Variants in CAND1 observed in about 807,000 individuals in gnomAD.
CAND1 encodes cullin associated and neddylation dissociated 1.
In CAND1, 7 loss-of-function variants were observed where a neutral mutation model predicts 108.5. The ratio of observed to expected loss-of-function variants is 0.06; its 90% confidence interval spans 0.04 to 0.12. The LOEUF (loss-of-function observed/expected upper bound fraction) is 0.12, where lower values mean the gene tolerates loss of function less well. Ranked by LOEUF, CAND1 falls within the 10% of genes least tolerant of loss-of-function variation. The pLI, the probability that CAND1 is intolerant of heterozygous loss-of-function variation, is 1.00. For synonymous variants in CAND1, 534 were observed against 512.0 expected (o/e 1.04, Z -0.58); for missense variants, 941 against 1,448.7 (o/e 0.65, Z 5.69).
At position 67,306,173 on chromosome 12, in the gene CAND1, T is replaced by C; in HGVS notation, c.2505T>C (p.Arg835=). ...ACTCAAGGTCTACAGATTCCATTCG[T>C]CTCTTAGCTCTACTTTCTCTTGGAG... ...VKNSRSTDSI[R]LLALLSLGEV... The change falls in exon 10 of 15, where the codon CGT becomes CGC. Residue 835 remains arginine (R), a synonymous_variant. Coordinates refer to ENST00000545606, the MANE Select transcript of CAND1 (RefSeq NM_018448.5). 5 of 1,614,138 alleles carry C rather than the reference T, an allele frequency of 3.1e-6. No homozygotes were observed. Among genetic ancestry groups the C allele is most frequent in the Non-Finnish European group, 4.2e-6 (5 of 1,179,998 alleles).
intron 10 of CAND1, 77 bp from the exon 11 acceptor site, chr12:67,307,320 T>C: frequency 1.0e-6 from 1 of 959,010 alleles, no homozygotes; most frequent in African/African-American, 1.6e-5. Flanking sequence ...CTGGTGTTAT[T>C]TGGAGTGGTT....
At position 67,269,628 on chromosome 12, in the gene CAND1, G is replaced by A; in HGVS notation, c.-90G>A. 5 of 1,147,924 alleles carry A rather than the reference G, an allele frequency of 4.4e-6. No individual in the cohort carries two copies. The highest frequency in any genetic ancestry group is 6.3e-6 in the Non-Finnish European group (5 of 789,308). 71.1% of individuals were successfully genotyped at this position (1,147,924 alleles called of 1,614,324 possible). A position where few individuals can be genotyped will look rare whatever the true frequency, so the allele number is the denominator to read the frequency against. Reference sequence around the variant, plus strand: ...TGGAAGCGGGAGCCGCCGCGAGCGAGAGGAGGAGCTCCAGTGGCGGCGGCG... The same window carrying A: ...TGGAAGCGGGAGCCGCCGCGAGCGAAAGGAGGAGCTCCAGTGGCGGCGGCG... On this transcript the variant is annotated 5_prime_UTR_variant, in exon 1 of 15. Transcript: ENST00000545606.
intron 3 of CAND1, among the ~76,000 whole-genome samples, chr12:67,293,719 T>C (rs1383560429): frequency 6.6e-6 from 1 of 152,044 alleles, no homozygotes; most frequent in Non-Finnish European, 1.5e-5. Flanking sequence ...TGCCATTGCA[T>C]TCCAGCCTAG....
At chr12:67,289,366 G>T (rs1280456300) in intron 2 of CAND1, among the ~76,000 whole-genome samples, 6 of 62,212 alleles carry the variant, frequency 9.6e-5, no homozygotes, top group Non-Finnish European at 1.9e-4. Context: ...TTACAGGCAT[G>T]TACCATGTCC....
In CAND1 at chr12:67,269,666, G is replaced by GCAGCGGGCAGCAGCTC. The variant is rs1237409975; in HGVS notation, c.-47_-32dup. 12 of 1,514,004 alleles carry GCAGCGGGCAGCAGCTC rather than the reference G, an allele frequency of 7.9e-6. No homozygotes were observed. Among genetic ancestry groups the GCAGCGGGCAGCAGCTC allele is most frequent in the Non-Finnish European group, 1.1e-5 (12 of 1,107,128 alleles). The allele number at this position is 1,514,004 out of a possible 1,614,324, so 93.8% of individuals were successfully genotyped here. ...AGTGGCGGCGGCGGCGGCGGCAGCGGCAGCGGGCAGCAGCTCCAGCAGCGC... is the reference window on the plus strand; with the variant it reads ...AGTGGCGGCGGCGGCGGCGGCAGCGGCAGCGGGCAGCAGCTCCAGCGGGCAGCAGCTCCAGCAGCGC... On this transcript the variant is annotated 5_prime_UTR_variant, in exon 1 of 15. Transcript: ENST00000545606.
rs1166901993 is a variant in CAND1 at position 67,315,551 on chromosome 12, T to A, written c.*2721T>A. 1 of 152,200 alleles carries A rather than the reference T, an allele frequency of 6.6e-6. No individual in the cohort carries two copies. Among genetic ancestry groups the A allele is most frequent in the African/African-American group, 2.4e-5 (1 of 41,448 alleles). The allele number at this position is 152,200 out of a possible 1,614,324, so 9.4% of individuals were successfully genotyped here. On this transcript the variant is annotated 3_prime_UTR_variant, in exon 15 of 15. Coordinates refer to ENST00000545606, the MANE Select transcript of CAND1 (RefSeq NM_018448.5). Reference sequence around the variant, plus strand: ...CAATAGCACTGAATGATAATTTTTTTAATGACAGTCATGTATTTTATTAAT... The same window carrying A: ...CAATAGCACTGAATGATAATTTTTTAAATGACAGTCATGTATTTTATTAAT...
chr12:67,309,406 C>T (rs1152877), intron 11 of CAND1, among the ~76,000 whole-genome samples: 74,380 of 151,730 alleles, frequency 0.49, 19,536 homozygotes, highest in Non-Finnish European at 0.59. Context: ...TTTGGAGGCA[C>T]GTTTCTCTTT....
chr12:67,305,084 A>AT lies in CAND1; in HGVS notation c.1436-14dup. ...TAAAAGTCTGCACAGCAATGATTGG[A>AT]TTTTTTGTTGGCTTTTTAGGAATCA... On this transcript the variant is annotated intron_variant, in intron 9 of 14. Coordinates refer to ENST00000545606, the MANE Select transcript of CAND1 (RefSeq NM_018448.5). This position sits in a 1 kb window ranked among gnomAD's most constrained non-coding sequence, Gnocchi z 4.4. The AT allele has an allele frequency of 1.3e-6, 2 of 1,596,356 alleles. No individual in the cohort carries two copies. The highest frequency in any genetic ancestry group is 1.3e-5 in the African/African-American group (1 of 74,264).
chr12:67,289,729 C>T lies in CAND1; in HGVS notation c.213-2893C>T, dbSNP rs375647724. Among the ~76,000 whole-genome samples, 11 of 152,236 alleles carry T rather than the reference C, an allele frequency of 7.2e-5. 1 individual carries two copies. The highest frequency in any genetic ancestry group is 2.6e-4 in the African/African-American group (11 of 41,530). On this transcript the variant is annotated intron_variant, in intron 2 of 14. Coordinates refer to ENST00000545606, the MANE Select transcript of CAND1 (RefSeq NM_018448.5). ...TTTTGAGTTCCTTTTAACTTCACTC[C>T]CAATTTTTATTATTTTATATTCGGT... is the stretch of plus-strand genomic sequence containing the variant.
chr12:67,300,445 T>A (rs1445413275), intron 7 of CAND1, among the ~76,000 whole-genome samples: 1 of 152,108 alleles, frequency 6.6e-6, no homozygotes, highest in Admixed American at 6.6e-5. Context: ...CTAAAATATC[T>A]TTTCCCTGCC....
intron 1 of CAND1, among the ~76,000 whole-genome samples, chr12:67,272,386 C>T (rs777153761): frequency 1.3e-5 from 2 of 152,098 alleles, no homozygotes; most frequent in Non-Finnish European, 2.9e-5. Flanking sequence ...TGACTAATTA[C>T]AAAAGGTTGT....
chr12:67,292,353 T>C (rs1284936396), intron 2 of CAND1, among the ~76,000 whole-genome samples: 1 of 152,102 alleles, frequency 6.6e-6, no homozygotes, highest in Non-Finnish European at 1.5e-5. Context: ...ACTAATTAGC[T>C]TTAGGGGTAT....
intron 1 of CAND1, among the ~76,000 whole-genome samples, chr12:67,277,835 A>G (rs1293655798): frequency 1.3e-5 from 2 of 152,318 alleles, no homozygotes; most frequent in South Asian, 2.1e-4. Flanking sequence ...ATTGATTGCC[A>G]TAACCTAAGT....
In CAND1 at chr12:67,306,435, G is replaced by T; in HGVS notation, c.2767G>T (p.Val923Leu). The T allele has an allele frequency of 6.2e-7, 1 of 1,614,032 alleles. No individual in the cohort carries two copies. Residue 923 changes from valine (V) to leucine (L), a missense_variant, in exon 10 of 15, where the codon GTG (valine) becomes TTG (leucine). This residue lies in a region of CAND1 where 106 missense variants were observed against 182.0 expected (regional missense o/e 0.58). Coordinates refer to ENST00000545606, the MANE Select transcript of CAND1 (RefSeq NM_018448.5). The stretch of plus-strand genomic sequence containing the variant: ...GGAAATTATTAGCTCTGCATCAGTG[G>T]TGGGCCTTAAACCATATGTTGAAAA... ...LKEIISSASV[V>L]GLKPYVENIW...
At chr12:67,307,799 A>G (rs1189079354) in intron 11 of CAND1, among the ~76,000 whole-genome samples, 1 of 152,072 alleles carries the variant, frequency 6.6e-6, no homozygotes, top group East Asian at 1.9e-4. Flanking sequence ...GCAAAAAGAT[A>G]CTAGATTTAT....
rs570819459 is a variant in CAND1, at chr12:67,300,123, TAC to T, written c.1000+1029_1000+1030del. Among the ~76,000 whole-genome samples, 281 of 152,316 alleles carry T rather than the reference TAC, an allele frequency of 1.8e-3. 1 individual carries two copies. Among genetic ancestry groups the T allele is most frequent in the African/African-American group, 6.1e-3 (254 of 41,582 alleles). On this transcript the variant is annotated intron_variant, in intron 7 of 14. Transcript: ENST00000545606. ...AAATGTTTGACTCTGCCTATCGTAT[TAC>T]TCAGTCTCGGCAACATTTCTTTATT... is the stretch of plus-strand genomic sequence containing the variant.
chr12:67,270,769 T>TAAAAAAAAAAAAAAAAAAAA (rs10573806), intron 1 of CAND1: 2 of 137,870 alleles, frequency 1.5e-5, no homozygotes, highest in African/African-American at 2.7e-5. Context: ...GTTCTCAATC[T>TAAAAAAAAAAAAAAAAAAAA]AAAAAAAAAA....
chr12:67,287,049 G>A (rs2044678468), intron 2 of CAND1, among the ~76,000 whole-genome samples: 1 of 152,174 alleles, frequency 6.6e-6, no homozygotes, highest in Non-Finnish European at 1.5e-5. Flanking sequence ...TGCATTCATT[G>A]TAACTCAGGG....
In CAND1 at chr12:67,313,064, A is replaced by G. The variant is rs966129047; in HGVS notation, c.*234A>G. The G allele has an allele frequency of 5.0e-5, 19 of 377,544 alleles. No homozygotes were observed. The Middle Eastern group carries it at 2.7e-3, about 54-fold the overall frequency. 23.4% of individuals were successfully genotyped at this position (377,544 alleles called of 1,614,324 possible). ...TAAAACCACTAGTGTTTTAGTGGTT[A>G]CAGCAACATTTGAAATGGAAACTAA... On this transcript the variant is annotated 3_prime_UTR_variant, in exon 15 of 15. Transcript: ENST00000545606.
Sources: gnomAD v4.1 joint callset for allele counts (sites outside exome capture counted in the v4.1 genomes callset) on GRCh38, gnomAD v4.1.1 for gene constraint, gnomAD v4.1.1 regional missense constraint, Gnocchi (gnomAD v3.1) non-coding constraint, MANE v1.5 for transcripts, NCBI Gene and HGNC (gene_info 2026-07-23, HGNC 2026-07-21) for gene names.